The following AKAP13 variants were observed in gnomAD, a reference collection of about 807,000 sequenced individuals.
AKAP13 encodes the protein A-kinase anchor protein 13.
A neutral mutation model predicts 264.5 loss-of-function variants in AKAP13; 80 were observed. That is an observed-to-expected ratio of 0.30 (90% CI 0.25 to 0.36). The LOEUF is 0.36. AKAP13 is among the 10% of genes least tolerant of loss of function. The pLI, the probability that AKAP13 is intolerant of heterozygous loss-of-function variation, is 1.00. For missense variants in AKAP13, 3,712 were observed against 3,435.2 expected, an observed-to-expected ratio of 1.08 and a Z score of -2.01; for synonymous variants, 1,380 against 1,250.2, an observed-to-expected ratio of 1.10 and a Z score of -2.19.
At position 85,544,144 on chromosome 15, in the gene AKAP13, G is replaced by A. The variant is rs1391504509; in HGVS notation, c.662+189G>A. ...CCACTTCATTGTCTGAGAGAGAAAC[G>A]TAAGTCGTGTTAACCATTTTCTCTC... On this transcript the variant is annotated intron_variant, in intron 5 of 36. Transcript: ENST00000394518. 5 of 734,110 alleles carry A rather than the reference G, an allele frequency of 6.8e-6. No individual in the cohort carries two copies. The East Asian group carries it at 8.2e-5, about 12-fold the overall frequency. 45.5% of individuals were successfully genotyped at this position (734,110 alleles called of 1,614,324 possible). A position where few individuals can be genotyped will look rare whatever the true frequency, so the allele number is the denominator to read the frequency against.
chr15:85,661,635 C>T (rs969548675), intron 12 of AKAP13, among the ~76,000 whole-genome samples: 13 of 152,148 alleles, frequency 8.5e-5, no homozygotes, highest in East Asian at 3.9e-4. Context: ...GCAGGAGAAT[C>T]GCTTGAACCT....
chr15:85,696,419 A>C (rs1277195217), intron 17 of AKAP13, among the ~76,000 whole-genome samples: 1 of 152,242 alleles, frequency 6.6e-6, no homozygotes, highest in Non-Finnish European at 1.5e-5. Flanking sequence ...TAACATAAAG[A>C]CTGAGCGAGG....
At chr15:85,490,661 A>G (rs1052246353) in intron 2 of AKAP13, among the ~76,000 whole-genome samples, 2 of 152,202 alleles carry the variant, frequency 1.3e-5, no homozygotes, top group African/African-American at 2.4e-5. Flanking sequence ...TCACTTATAC[A>G]TCAGGATTGG....
intron 9 of AKAP13, 68 bp from the exon 10 acceptor site, chr15:85,645,750 G>C: frequency 6.7e-7 from 1 of 1,486,744 alleles, no homozygotes; most frequent in South Asian, 1.3e-5. Flanking sequence ...AAAGGAAGTG[G>C]TTCTTTTTGT....
At chr15:85,563,339 T>TG (rs2078478665) in intron 5 of AKAP13, among the ~76,000 whole-genome samples, 1 of 136,292 alleles carries the variant, frequency 7.3e-6, no homozygotes. Context: ...GTTTTTTTTT[T>TG]TTTTTTTTTT....
chr15:85,384,114 A>G (rs1393733689), intron 1 of AKAP13, among the ~76,000 whole-genome samples: 2 of 152,208 alleles, frequency 1.3e-5, no homozygotes, highest in Non-Finnish European at 2.9e-5. Flanking sequence ...TAGTTTTCTG[A>G]TGAAGAGATT....
intron 1 of AKAP13, among the ~76,000 whole-genome samples, chr15:85,442,521 A>G (rs1338375105): frequency 2.6e-5 from 3 of 113,456 alleles, no homozygotes; most frequent in Non-Finnish European, 5.5e-5. Flanking sequence ...AATATATATT[A>G]TATTATATAT....
chr15:85,438,116 A>C (rs1437780311), intron 1 of AKAP13, among the ~76,000 whole-genome samples: 2 of 147,348 alleles, frequency 1.4e-5, no homozygotes, highest in African/African-American at 5.2e-5. Flanking sequence ...AACTTCAGCA[A>C]AGTCTCAGGA....
intron 6 of AKAP13, 37 bp from the exon 7 acceptor site, chr15:85,578,892 CA>C: frequency 1.3e-6 from 2 of 1,583,480 alleles, no homozygotes; most frequent in South Asian, 2.3e-5. Flanking sequence ...TCTTCTCCTA[CA>C]GGCAGTTTTT....
At chr15:85,577,847 T>C in intron 6 of AKAP13, 1 of 985,060 alleles carries the variant, frequency 1.0e-6, no homozygotes, top group Non-Finnish European at 1.2e-6. Flanking sequence ...GAACATATTT[T>C]GGGGATTAAA....
chr15:85,433,864 C>A (rs1345328769), intron 1 of AKAP13, among the ~76,000 whole-genome samples: 1 of 152,056 alleles, frequency 6.6e-6, no homozygotes, highest in Non-Finnish European at 1.5e-5. Context: ...TCACTTGAAC[C>A]CGGGAGTTGG....
At position 85,598,737 on chromosome 15, in the gene AKAP13, G is replaced by A. The variant is rs80308676; in HGVS notation, c.4161+12914G>A. Among the ~76,000 whole-genome samples the A allele has an allele frequency of 2.0e-3, 308 of 152,250 alleles. 5 individuals carry two copies. In the East Asian group the frequency reaches 0.03, roughly 15 times the overall value. On this transcript the variant is annotated intron_variant, in intron 8 of 36. Coordinates refer to ENST00000394518, the MANE Select transcript of AKAP13 (RefSeq NM_007200.5). ...TGAACCAGGAGTTGACACCTGGGTC[G>A]TGGGAACTCAGAGAAGGAATTTTCC...
chr15:85,623,216 C>T (rs958820582), intron 8 of AKAP13, among the ~76,000 whole-genome samples: 11 of 152,112 alleles, frequency 7.2e-5, no homozygotes, highest in Non-Finnish European at 1.0e-4. Context: ...AGGAGTTTGT[C>T]ATTTTTATCT....
At chr15:85,549,190 G>T (rs1435965371) in intron 5 of AKAP13, among the ~76,000 whole-genome samples, 2 of 152,138 alleles carry the variant, frequency 1.3e-5, no homozygotes, top group Non-Finnish European at 2.9e-5. Flanking sequence ...TTATTCCCTA[G>T]TGTAATAGAT....
intron 1 of AKAP13, among the ~76,000 whole-genome samples, chr15:85,478,861 G>C (rs1027231786): frequency 6.6e-6 from 1 of 151,138 alleles, no homozygotes; most frequent in African/African-American, 2.4e-5. Flanking sequence ...CCCGAAGTGT[G>C]GGTCATGATT....
chr15:85,628,293 T>C (rs560414392), intron 8 of AKAP13, among the ~76,000 whole-genome samples: 2 of 152,330 alleles, frequency 1.3e-5, no homozygotes, highest in South Asian at 4.1e-4. Context: ...TTGCTGTACC[T>C]TAACCTGGTT....
intron 1 of AKAP13, among the ~76,000 whole-genome samples, chr15:85,456,548 C>A (rs973873899): frequency 7.8e-6 from 1 of 128,912 alleles, no homozygotes; most frequent in South Asian, 2.3e-4. Context: ...AGCCCACTTT[C>A]TGTTTTTTTT....
intron 5 of AKAP13, among the ~76,000 whole-genome samples, chr15:85,559,030 A>C (rs744860): frequency 0.21 from 29,923 of 145,542 alleles, 3,335 homozygotes; most frequent in East Asian, 0.36. Context: ...AAATTACTTT[A>C]TTCAGTTATA....
chr15:85,665,974 C>A (rs181796144), intron 13 of AKAP13, among the ~76,000 whole-genome samples: 4 of 152,244 alleles, frequency 2.6e-5, no homozygotes, highest in Non-Finnish European at 5.9e-5. Flanking sequence ...TTAACAATGC[C>A]ATAATAAACA....
Sources: gnomAD v4.1 joint callset for allele counts (sites outside exome capture counted in the v4.1 genomes callset) on GRCh38, gnomAD v4.1.1 for gene constraint, MANE v1.5 for transcripts, NCBI Gene and HGNC (gene_info 2026-07-23, HGNC 2026-07-21) for gene names.